Variants in PPP4R4 observed in about 807,000 individuals in gnomAD.
The protein encoded by PPP4R4 is serine/threonine-protein phosphatase 4 regulatory subunit 4.
PPP4R4 carries 70 observed loss-of-function variants against 121.8 expected under a neutral mutation model. The ratio of observed to expected loss-of-function variants is 0.57; its 90% CI spans 0.47 to 0.70. The LOEUF is 0.70. PPP4R4 is among the 30% of genes least tolerant of loss of function. The pLI is 0.00. For synonymous variants in PPP4R4, 348 were observed against 355.7 expected (o/e 0.98, Z 0.24); for missense variants, 875 against 1,033.6 (o/e 0.85, Z 2.10).
intron 17 of PPP4R4, among the ~76,000 whole-genome samples, chr14:94,257,785 T>C (rs1893558505): frequency 3.3e-5 from 5 of 152,108 alleles, no homozygotes; most frequent in Admixed American, 3.3e-4. Context: ...TAATTACTTT[T>C]CCAGAATAAT....
chr14:94,256,315 A>C (rs1893470540), intron 16 of PPP4R4, 145 bp from the exon 17 acceptor site: 1 of 598,290 alleles, frequency 1.7e-6, no homozygotes, highest in Non-Finnish European at 2.7e-6. Context: ...AGAATGATGA[A>C]TGTTTGACAC....
Position 94,249,334 on chromosome 14 carries a change from C to T in PPP4R4, c.1612-838C>T, listed in dbSNP as rs189006638. The stretch of plus-strand genomic sequence containing the variant: ...TTAAAAACCCCACTCAAATTGTACC[C>T]GATAGAATGTGAATAGCTCATATAA... On this transcript the variant is annotated intron_variant, in intron 14 of 24. Coordinates refer to ENST00000304338, the MANE Select transcript of PPP4R4 (RefSeq NM_058237.2). Among the ~76,000 whole-genome samples, 222 of 151,828 alleles carry T rather than the reference C, an allele frequency of 1.5e-3. 2 individuals are homozygous for T. The highest frequency in any genetic ancestry group is 5.1e-3 in the African/African-American group (212 of 41,406).
chr14:94,256,687 A>T (rs1247040908), intron 17 of PPP4R4, 83 bp downstream of exon 17: 1 of 1,265,584 alleles, frequency 7.9e-7, no homozygotes, highest in Non-Finnish European at 1.1e-6. Context: ...GCTTGACAGG[A>T]TAGCAATATA....
At chr14:94,209,112 T>C (rs1890609669) in intron 3 of PPP4R4, among the ~76,000 whole-genome samples, 1 of 151,894 alleles carries the variant, frequency 6.6e-6, no homozygotes, top group Non-Finnish European at 1.5e-5. Flanking sequence ...TTCTGACTAA[T>C]ATTTATTGAT....
chr14:94,185,008 G>A (rs1337226581), intron 2 of PPP4R4, among the ~76,000 whole-genome samples: 1 of 152,194 alleles, frequency 6.6e-6, no homozygotes, highest in Non-Finnish European at 1.5e-5. Context: ...GATAGTTTAA[G>A]GAAGCAAATG....
intron 5 of PPP4R4, among the ~76,000 whole-genome samples, chr14:94,233,074 A>G (rs993527721): frequency 6.7e-6 from 1 of 150,220 alleles, no homozygotes; most frequent in African/African-American, 2.5e-5. Context: ...AAAAAAAGAG[A>G]AATAGCGAGA....
chr14:94,195,133 C>T (rs957170520), intron 2 of PPP4R4, among the ~76,000 whole-genome samples: 1 of 152,208 alleles, frequency 6.6e-6, no homozygotes, highest in African/African-American at 2.4e-5. Context: ...TGGCTCATTT[C>T]ACTCACATCT....
chr14:94,239,657 T>C (rs1251200574), intron 8 of PPP4R4, among the ~76,000 whole-genome samples: 1 of 152,154 alleles, frequency 6.6e-6, no homozygotes, highest in Non-Finnish European at 1.5e-5. Context: ...TGTTCACATA[T>C]TGTCTGTGGC....
In PPP4R4 at chr14:94,233,692, A is replaced by G. The variant is rs746120137; in HGVS notation, c.556A>G (p.Thr186Ala). 3 of 1,605,160 alleles carry G rather than the reference A, an allele frequency of 1.9e-6. No individual in the cohort carries two copies. Among genetic ancestry groups the G allele is most frequent in the South Asian group, 1.1e-5 (1 of 89,540 alleles). ...PLVSKAQLSQTVQSRLVSCKI... is the reference protein window; with the variant it reads ...PLVSKAQLSQAVQSRLVSCKI... ...TGTTTCCAAGGCACAACTTTCCCAA[A>G]CAGTCCAGTCTCGTTTAGTTAGTTG... The change falls in exon 6 of 25, where the codon ACA becomes GCA. Residue 186 changes from threonine (T) to alanine (A), a missense_variant. Coordinates refer to ENST00000304338, the MANE Select transcript of PPP4R4 (RefSeq NM_058237.2).
intron 3 of PPP4R4, chr14:94,227,948 C>G (rs1009656967): frequency 1.1e-6 from 1 of 883,312 alleles, no homozygotes; most frequent in Non-Finnish European, 1.4e-6. Flanking sequence ...AACACTAAAA[C>G]AAAGGGGTAT....
chr14:94,270,242 T>C (rs1894255124), intron 23 of PPP4R4, among the ~76,000 whole-genome samples: 1 of 152,136 alleles, frequency 6.6e-6, no homozygotes, highest in Admixed American at 6.5e-5. Context: ...AAGACCTAAA[T>C]AAATGGAGAA....
rs553383130 is a variant in PPP4R4 at position 94,237,777 on chromosome 14, T to G, written c.853+91T>G. 8.4e-4 allele frequency: 1,224 copies of G among 1,454,566 alleles called. 1 individual carries two copies. The highest frequency in any genetic ancestry group is 1.1e-3 in the Non-Finnish European group (1,171 of 1,070,792). 90.1% of individuals were successfully genotyped at this position (1,454,566 alleles called of 1,614,324 possible). On this transcript the variant is annotated intron_variant, in intron 8 of 24. Coordinates refer to ENST00000304338, the MANE Select transcript of PPP4R4 (RefSeq NM_058237.2). ...TAAGGAATAAAAGTAGATTTAGAAT[T>G]TCCTATGTTAAGCCTCCCTTCCTCT...
At chr14:94,223,941 G>T (rs1481239247) in intron 3 of PPP4R4, among the ~76,000 whole-genome samples, 2 of 152,150 alleles carry the variant, frequency 1.3e-5, no homozygotes, top group African/African-American at 4.8e-5. Context: ...CAATACGTTA[G>T]AAGTAATCAA....
chr14:94,246,433 C>G lies in PPP4R4; in HGVS notation c.1505C>G (p.Thr502Ser), dbSNP rs762196750. The change falls in exon 14 of 25, where the codon ACT (threonine) becomes AGT (serine). Residue 502 changes from threonine to serine, a missense_variant. Physicochemically the swap from Thr to Ser is moderately conservative, Grantham distance 58. Transcript: ENST00000304338. The stretch of plus-strand genomic sequence containing the variant: ...GCTGCAGCCTCTTTAAAATGGAGAA[C>G]TCATGAGAAGCTACTTCAGAAATAT... ...QRAAASLKWRTHEKLLQKYAC... is the reference protein window; with the variant it reads ...QRAAASLKWRSHEKLLQKYAC... 7 of 1,613,984 alleles carry G rather than the reference C, an allele frequency of 4.3e-6. No homozygotes were observed. Among genetic ancestry groups the G allele is most frequent in the African/African-American group, 1.3e-5 (1 of 74,932 alleles).
chr14:94,184,133 T>A (rs1347535047), intron 2 of PPP4R4, among the ~76,000 whole-genome samples: 1 of 152,216 alleles, frequency 6.6e-6, no homozygotes, highest in Non-Finnish European at 1.5e-5. Context: ...TTATAACTAA[T>A]TAGTTCCCAG....
At chr14:94,181,395 T>A (rs1888985601) in intron 2 of PPP4R4, among the ~76,000 whole-genome samples, 1 of 152,210 alleles carries the variant, frequency 6.6e-6, no homozygotes, top group Non-Finnish European at 1.5e-5. Context: ...TCTTCACAAT[T>A]AAGATAGATA....
intron 2 of PPP4R4, among the ~76,000 whole-genome samples, chr14:94,206,240 T>C (rs1255763619): frequency 1.3e-5 from 2 of 152,056 alleles, no homozygotes; most frequent in African/African-American, 4.8e-5. Context: ...GGTGATTTTC[T>C]CTTCTCTGAG....
intron 17 of PPP4R4, 84 bp downstream of exon 17, chr14:94,256,688 T>G: frequency 7.9e-7 from 1 of 1,265,316 alleles, no homozygotes; most frequent in Non-Finnish European, 1.1e-6. Flanking sequence ...CTTGACAGGA[T>G]AGCAATATAT....
intron 3 of PPP4R4, among the ~76,000 whole-genome samples, chr14:94,218,666 A>G (rs1234616093): frequency 1.9e-5 from 2 of 107,760 alleles, no homozygotes; most frequent in Admixed American, 9.5e-5. Flanking sequence ...GCGCGCGCAC[A>G]CACACACACT....
Sources: allele counts gnomAD v4.1 joint callset (sites outside exome capture counted in the v4.1 genomes callset), GRCh38; gene constraint gnomAD v4.1.1; transcripts MANE v1.5; gene names NCBI Gene and HGNC (gene_info 2026-07-23, HGNC 2026-07-21).